GRIK2: variants seen among roughly 807,000 people sequenced by gnomAD.
GRIK2 encodes glutamate ionotropic receptor kainate type subunit 2.
Under a neutral mutation model 100.3 loss-of-function variants are expected in GRIK2, and 32 were observed. The ratio of observed to expected loss-of-function variants is 0.32; its 90% confidence interval spans 0.24 to 0.43. GRIK2 has a LOEUF of 0.43. Among genes scored for constraint, GRIK2 ranks in the 20% least tolerant of loss-of-function variants. The pLI, the probability that GRIK2 is intolerant of heterozygous loss-of-function variation, is 1.00. For synonymous variants in GRIK2, 417 were observed against 389.4 expected (o/e 1.07, Z -0.83); for missense variants, 843 against 1,114.9 (o/e 0.76, Z 3.47).
intron 2 of GRIK2, among the ~76,000 whole-genome samples, chr6:101,538,680 T>C (rs1192023542): frequency 2.0e-5 from 3 of 151,636 alleles, no homozygotes; most frequent in Non-Finnish European, 4.4e-5. Context: ...TAGTGTGTCC[T>C]TCCTGTCAAC....
chr6:101,553,708 G>T (rs1001781739), intron 2 of GRIK2, among the ~76,000 whole-genome samples: 1 of 152,150 alleles, frequency 6.6e-6, no homozygotes, highest in Non-Finnish European at 1.5e-5. Flanking sequence ...GTTATGAAAG[G>T]CAGTGGGGCA....
In GRIK2 at chr6:102,055,547, A is replaced by G; in HGVS notation, c.2529A>G (p.Leu843=). Residue 843 remains leucine, a synonymous_variant, in exon 16 of 17, where the codon TTA becomes TTG. Transcript: ENST00000369134. The part of the protein sequence containing the change: ...LSVFVAVGEF[L]YKSKKNAQLE... ...TTTTTGTGGCAGTGGGAGAATTTTT[A>G]TACAAATCCAAAAAAAACGCTCAAT... 1.9e-6 allele frequency: 3 copies of G among 1,610,732 alleles called. No individual in the cohort carries two copies. The highest frequency in any genetic ancestry group is 2.5e-6 in the Non-Finnish European group (3 of 1,177,118).
At chr6:101,908,450 T>C (rs1363860249) in intron 12 of GRIK2, among the ~76,000 whole-genome samples, 1 of 151,304 alleles carries the variant, frequency 6.6e-6, no homozygotes, top group Non-Finnish European at 1.5e-5. Context: ...AGATTTTTGT[T>C]GTAGTCAATT....
At chr6:101,575,238 A>G (rs1431744113) in intron 2 of GRIK2, among the ~76,000 whole-genome samples, 1 of 151,906 alleles carries the variant, frequency 6.6e-6, no homozygotes, top group Non-Finnish European at 1.5e-5. Context: ...AGTAGTAAGT[A>G]ATATTACATT....
intron 4 of GRIK2, among the ~76,000 whole-genome samples, chr6:101,629,664 A>C (rs951234202): frequency 6.6e-6 from 1 of 152,150 alleles, no homozygotes; most frequent in Non-Finnish European, 1.5e-5. Context: ...TTATAAATAT[A>C]TAGTAGACTT....
At chr6:101,576,145 A>G (rs1477498035) in intron 2 of GRIK2, among the ~76,000 whole-genome samples, 11 of 152,044 alleles carry the variant, frequency 7.2e-5, no homozygotes, top group Non-Finnish European at 1.0e-4. Context: ...CTTTTAGTAT[A>G]TCAAATTTCC....
chr6:101,394,529 T>C (rs1158277635), intron 1 of GRIK2, among the ~76,000 whole-genome samples: 1 of 152,244 alleles, frequency 6.6e-6, no homozygotes, highest in Non-Finnish European at 1.5e-5. Context: ...ATTAGAAAAC[T>C]TACTATTAGT....
chr6:101,801,638 T>TTA (rs1780677088), intron 8 of GRIK2, among the ~76,000 whole-genome samples: 1 of 151,940 alleles, frequency 6.6e-6, no homozygotes, highest in African/African-American at 2.4e-5. Context: ...TATTTCCAAA[T>TTA]GACAAACAAT....
At chr6:101,930,350 A>AAAAAT (rs71028090) in intron 14 of GRIK2, among the ~76,000 whole-genome samples, 33 of 39,524 alleles carry the variant, frequency 8.3e-4, no homozygotes, top group Middle Eastern at 0.018. Context: ...CTCAAAAAAA[A>AAAAAT]AAAATAAAAT....
At chr6:101,689,825 A>C (rs924204103) in intron 7 of GRIK2, among the ~76,000 whole-genome samples, 2 of 151,118 alleles carry the variant, frequency 1.3e-5, no homozygotes, top group African/African-American at 2.4e-5. Context: ...TTATTGTAAA[A>C]CTCTTTCCAT....
At chr6:101,468,425 T>C (rs1054010152) in intron 2 of GRIK2, among the ~76,000 whole-genome samples, 1 of 152,186 alleles carries the variant, frequency 6.6e-6, no homozygotes, top group African/African-American at 2.4e-5. Flanking sequence ...TTAGCTGGCA[T>C]GTCTTTTTAT....
chr6:101,582,041 A>G (rs1582763724), intron 2 of GRIK2, among the ~76,000 whole-genome samples: 1 of 151,504 alleles, frequency 6.6e-6, no homozygotes, highest in South Asian at 2.1e-4. Context: ...TTCTCATGAG[A>G]TCTGATGGGT....
At chr6:102,016,142 A>G (rs368588338) in intron 14 of GRIK2, among the ~76,000 whole-genome samples, 3 of 152,314 alleles carry the variant, frequency 2.0e-5, no homozygotes, top group African/African-American at 7.2e-5. Flanking sequence ...AGGATTCTTA[A>G]CTGGGCTGAG....
At chr6:101,736,335 C>T (rs866163857) in intron 7 of GRIK2, among the ~76,000 whole-genome samples, 44 of 152,304 alleles carry the variant, frequency 2.9e-4, no homozygotes, top group Middle Eastern at 3.4e-3. Context: ...GTGGATGTTC[C>T]GACCCAACAT....
rs1157960062 is a variant in GRIK2 at position 101,494,032 on chromosome 6, AATT to A, written c.115+94641_115+94643del. The stretch of plus-strand genomic sequence containing the variant: ...TATTATATATAAAAATTATATATAT[AATT>A]TATTATATAAAATATATATGATATT... On this transcript the variant is annotated intron_variant, in intron 2 of 16. Transcript: ENST00000369134. Among the ~76,000 whole-genome samples the A allele has an allele frequency of 7.5e-3, 615 of 82,064 alleles. 2 individuals carry two copies. Among genetic ancestry groups the A allele is most frequent in the African/African-American group, 0.04 (580 of 14,612 alleles). The allele number at this position is 82,064 out of a possible 152,430, so 53.8% of individuals were successfully genotyped here. A position where few individuals can be genotyped will look rare whatever the true frequency, so the allele number is the denominator to read the frequency against.
chr6:101,887,726 G>GAGGGGGA (rs1190009467), intron 11 of GRIK2, among the ~76,000 whole-genome samples: 5 of 152,078 alleles, frequency 3.3e-5, no homozygotes, highest in African/African-American at 7.2e-5. Context: ...GAGCATGGGA[G>GAGGGGGA]AGGGGGAAGG....
At chr6:101,903,009 T>G (rs1787976575) in intron 12 of GRIK2, among the ~76,000 whole-genome samples, 1 of 151,952 alleles carries the variant, frequency 6.6e-6, no homozygotes, top group Middle Eastern at 3.4e-3. Context: ...TGCTACATCA[T>G]TCTTAGAGAC....
At chr6:101,767,625 A>G (rs181636911) in intron 7 of GRIK2, among the ~76,000 whole-genome samples, 1 of 152,106 alleles carries the variant, frequency 6.6e-6, no homozygotes. Flanking sequence ...TTTGATTAAA[A>G]TAATAAAAAT....
At chr6:101,792,369 T>C (rs1369343189) in intron 7 of GRIK2, among the ~76,000 whole-genome samples, 5 of 152,330 alleles carry the variant, frequency 3.3e-5, no homozygotes, top group South Asian at 2.1e-4. Flanking sequence ...GCATGTTTAG[T>C]GCTTCCTTCA....
Sources: gnomAD v4.1 joint callset for allele counts (sites outside exome capture counted in the v4.1 genomes callset) on GRCh38, gnomAD v4.1.1 for gene constraint, MANE v1.5 for transcripts, NCBI Gene and HGNC (gene_info 2026-07-23, HGNC 2026-07-21) for gene names.